CNTN6: variants seen among roughly 807,000 people sequenced by gnomAD.
CNTN6 encodes contactin-6.
In CNTN6, 137 loss-of-function variants were observed where a neutral mutation model predicts 122.8. The observed-to-expected ratio is 1.12, with a 90% CI of 0.97 to 1.29. CNTN6 has a LOEUF of 1.29. Among genes scored for constraint, CNTN6 ranks in the 50% most tolerant of loss-of-function variants. CNTN6 has a pLI of 0.00. For missense variants in CNTN6, 1,634 were observed against 1,223.4 expected (o/e 1.34, Z -5.01); for synonymous variants, 570 against 426.0 (o/e 1.34, Z -4.16).
intron 1 of CNTN6, among the ~76,000 whole-genome samples, chr3:1,119,593 T>A (rs371904691): frequency 1.3e-5 from 2 of 151,836 alleles, no homozygotes; most frequent in East Asian, 3.9e-4. Flanking sequence ...TAAAAGAGAA[T>A]TCCACTTGTG....
chr3:1,215,991 T>C (rs1235578552), intron 2 of CNTN6, among the ~76,000 whole-genome samples: 1 of 152,154 alleles, frequency 6.6e-6, no homozygotes, highest in Non-Finnish European at 1.5e-5. Context: ...TTTCAATGAA[T>C]TGTAGCCAGA....
intron 8 of CNTN6, among the ~76,000 whole-genome samples, chr3:1,325,310 A>G (rs1372165825): frequency 1.3e-5 from 2 of 151,802 alleles, no homozygotes; most frequent in African/African-American, 2.4e-5. Context: ...AGAATACTGG[A>G]TTATCTTTCT....
At position 1,376,960 on chromosome 3, in the gene CNTN6, G is replaced by T. The variant is rs771941937; in HGVS notation, c.2096-45G>T. 3 of 1,298,788 alleles carry T rather than the reference G, an allele frequency of 2.3e-6. No homozygotes were observed. The African/African-American group carries it at 4.4e-5, about 19-fold the overall frequency. The allele number at this position is 1,298,788 out of a possible 1,614,324, so 80.5% of individuals were successfully genotyped here. A position where few individuals can be genotyped will look rare whatever the true frequency, so the allele number is the denominator to read the frequency against. On this transcript the variant is annotated intron_variant, in intron 16 of 22. Transcript: ENST00000446702. ...AAACAAAATTCTTCCTGATGAAGAC[G>T]TACTTTAATAATTGCCATCCCACAT...
At chr3:1,139,571 A>G (rs1046834764) in intron 1 of CNTN6, among the ~76,000 whole-genome samples, 8 of 152,122 alleles carry the variant, frequency 5.3e-5, no homozygotes, top group African/African-American at 1.9e-4. Flanking sequence ...ACGAAGCCCT[A>G]AAAATATTGT....
At chr3:1,329,053 G>T (rs114439645) in intron 10 of CNTN6, among the ~76,000 whole-genome samples, 2,172 of 151,050 alleles carry the variant, frequency 0.014, 62 homozygotes, top group African/African-American at 0.049. Context: ...AAATCAGATT[G>T]GTATATATAC....
chr3:1,345,823 C>T (rs1465322086), intron 11 of CNTN6, among the ~76,000 whole-genome samples: 5 of 151,908 alleles, frequency 3.3e-5, no homozygotes, highest in Admixed American at 6.6e-5. Context: ...TTACATTTTC[C>T]AAATATCAGT....
intron 5 of CNTN6, among the ~76,000 whole-genome samples, chr3:1,280,141 C>T (rs17037117): frequency 0.24 from 35,940 of 152,068 alleles, 6,804 homozygotes; most frequent in African/African-American, 0.52. Context: ...CTTGACACTA[C>T]TGAAAATTGT....
intron 1 of CNTN6, among the ~76,000 whole-genome samples, chr3:1,096,975 T>C (rs1054180556): frequency 6.6e-6 from 1 of 152,218 alleles, no homozygotes; most frequent in Non-Finnish European, 1.5e-5. Flanking sequence ...AATCTCTTTA[T>C]TTAAGGAGTT....
intron 5 of CNTN6, among the ~76,000 whole-genome samples, chr3:1,290,174 C>T (rs1239601110): frequency 6.6e-6 from 1 of 152,182 alleles, no homozygotes; most frequent in Non-Finnish European, 1.5e-5. Flanking sequence ...AGTTTTAGAA[C>T]CTCTGCTTCA....
intron 20 of CNTN6, among the ~76,000 whole-genome samples, chr3:1,390,643 C>G (rs964892236): frequency 1.3e-5 from 2 of 151,894 alleles, no homozygotes; most frequent in African/African-American, 4.8e-5. Context: ...AAAGGATCAA[C>G]AAAATTGATA....
At chr3:1,328,968 G>A (rs1701902206) in intron 10 of CNTN6, among the ~76,000 whole-genome samples, 1 of 151,444 alleles carries the variant, frequency 6.6e-6, no homozygotes, top group Non-Finnish European at 1.5e-5. Context: ...TATTTCAATA[G>A]TATTTTATTG....
At chr3:1,252,694 C>G (rs1432540046) in intron 4 of CNTN6, among the ~76,000 whole-genome samples, 1 of 152,138 alleles carries the variant, frequency 6.6e-6, no homozygotes, top group Admixed American at 6.6e-5. Context: ...GGTCTCCTGA[C>G]TAAGATGCTT....
At chr3:1,372,581 C>A in intron 13 of CNTN6, 107 bp downstream of exon 13, 1 of 976,270 alleles carries the variant, frequency 1.0e-6, no homozygotes, top group Non-Finnish European at 1.5e-6. Flanking sequence ...TGGATAATCA[C>A]TGACTGTTTT....
chr3:1,325,956 G>T lies in CNTN6; in HGVS notation c.1083+5G>T, dbSNP rs1701483587. 6.2e-6 allele frequency: 10 copies of T among 1,605,524 alleles called. No homozygotes were observed. Among genetic ancestry groups the T allele is most frequent in the Non-Finnish European group, 8.5e-6 (10 of 1,176,694 alleles). Reference sequence around the variant, plus strand: ...GGTGAACGACTCAACCCAGAGGTAAGCAACTATGTTGATATTAAAAGTTTA... The same window carrying T: ...GGTGAACGACTCAACCCAGAGGTAATCAACTATGTTGATATTAAAAGTTTA... On this transcript the variant is annotated splice_donor_5th_base_variant and intron_variant, in intron 9 of 22. Coordinates refer to ENST00000446702, the MANE Select transcript of CNTN6 (RefSeq NM_001289080.2).
chr3:1,362,028 A>C (rs116084848), intron 12 of CNTN6, among the ~76,000 whole-genome samples: 179 of 152,280 alleles, frequency 1.2e-3, no homozygotes, highest in African/African-American at 4.1e-3. Context: ...AATAGAATGA[A>C]GTCTGCTAAG....
At chr3:1,283,030 AG>A (rs1693738694) in intron 5 of CNTN6, among the ~76,000 whole-genome samples, 1 of 152,034 alleles carries the variant, frequency 6.6e-6, no homozygotes, top group African/African-American at 2.4e-5. Flanking sequence ...TGGAGTGCAG[AG>A]GTGCCATATT....
chr3:1,395,139 T>C (rs889852608), intron 20 of CNTN6, among the ~76,000 whole-genome samples: 2 of 152,156 alleles, frequency 1.3e-5, no homozygotes, highest in African/African-American at 4.8e-5. Flanking sequence ...AAGAAGAATA[T>C]ACAAGTCTCC....
chr3:1,379,219 C>A (rs1300385097), intron 17 of CNTN6, among the ~76,000 whole-genome samples: 1 of 152,054 alleles, frequency 6.6e-6, no homozygotes, highest in Non-Finnish European at 1.5e-5. Context: ...TTATAATGTT[C>A]TTTTTTCTTT....
chr3:1,242,363 A>AG, intron 4 of CNTN6, among the ~76,000 whole-genome samples: 1 of 150,132 alleles, frequency 6.7e-6, no homozygotes, highest in African/African-American at 2.4e-5. Context: ...TGGGCACCAC[A>AG]GGGTGGATGG....
Sources: gnomAD v4.1 joint callset for allele counts (sites outside exome capture counted in the v4.1 genomes callset) on GRCh38, gnomAD v4.1.1 for gene constraint, MANE v1.5 for transcripts, NCBI Gene and HGNC (gene_info 2026-07-23, HGNC 2026-07-21) for gene names.